DLGAP2: variants seen among roughly 807,000 people sequenced by gnomAD.
DLGAP2 encodes disks large-associated protein 2.
A neutral mutation model predicts 100.3 loss-of-function variants in DLGAP2; 26 were observed. The ratio of observed to expected loss-of-function variants is 0.26; its 90% CI spans 0.19 to 0.36. The LOEUF is 0.36. Among genes scored for constraint, DLGAP2 ranks in the 10% least tolerant of loss-of-function variants. DLGAP2 has a pLI of 1.00. For synonymous variants in DLGAP2, 886 were observed against 630.1 expected (o/e 1.41, Z -6.08); for missense variants, 1,858 against 1,453.2 (o/e 1.28, Z -4.53).
chr8:1,153,419 C>T (rs779563741), intron 2 of DLGAP2, among the ~76,000 whole-genome samples: 1 of 152,126 alleles, frequency 6.6e-6, no homozygotes, highest in Non-Finnish European at 1.5e-5. Context: ...GAACATGGTA[C>T]AGTTCACTCT....
intron 3 of DLGAP2, among the ~76,000 whole-genome samples, chr8:1,326,564 G>A (rs1801026656): frequency 6.6e-6 from 1 of 152,064 alleles, no homozygotes; most frequent in Admixed American, 6.6e-5. Flanking sequence ...CACGCACTCG[G>A]TCTCAGTCCG....
intron 3 of DLGAP2, among the ~76,000 whole-genome samples, chr8:1,459,756 G>T (rs150942090): frequency 7.1e-6 from 1 of 140,366 alleles, no homozygotes; most frequent in Non-Finnish European, 1.5e-5. Flanking sequence ...CACAATCTTG[G>T]CTCACTGCAA....
At chr8:1,449,938 G>T (rs111740779) in intron 3 of DLGAP2, among the ~76,000 whole-genome samples, 328 of 31,554 alleles carry the variant, frequency 0.01, 2 homozygotes, top group East Asian at 0.025. Context: ...TGGCTGAGGC[G>T]GAGCTGTGAG....
chr8:1,575,455 T>TTTA (rs56350882), intron 6 of DLGAP2, among the ~76,000 whole-genome samples: 3,638 of 141,158 alleles, frequency 0.026, 120 homozygotes, highest in African/African-American at 0.068. Context: ...GAGGATATTC[T>TTTA]TTATTATTAT....
chr8:1,505,679 C>T (rs187200010), intron 4 of DLGAP2, among the ~76,000 whole-genome samples: 23 of 152,298 alleles, frequency 1.5e-4, no homozygotes, highest in Admixed American at 1.4e-3. Context: ...AAAACGAATA[C>T]CTTGAAAGAG....
chr8:916,622 G>C (rs1005383828), intron 2 of DLGAP2, among the ~76,000 whole-genome samples: 12 of 152,018 alleles, frequency 7.9e-5, no homozygotes, highest in Non-Finnish European at 1.6e-4. Flanking sequence ...AAACCTGCAC[G>C]TTGTGCACAT....
intron 3 of DLGAP2, among the ~76,000 whole-genome samples, chr8:1,438,908 A>G (rs1797739206): frequency 6.6e-6 from 1 of 152,188 alleles, no homozygotes; most frequent in African/African-American, 2.4e-5. Context: ...TTTTTTTACT[A>G]GAAAAAAGCA....
rs904011853 is a variant in DLGAP2, at chr8:1,440,999, A to G, written c.107-60367A>G. Among the ~76,000 whole-genome samples, 10 of 152,334 alleles carry G rather than the reference A, an allele frequency of 6.6e-5. No individual in the cohort carries two copies. The East Asian group carries it at 9.6e-4, about 15-fold the overall frequency. The stretch of plus-strand genomic sequence containing the variant: ...CCCTCCCAGCACGGGTTTTCCAGCC[A>G]AATGGTAGGGGCATACATAGAAAAA... On this transcript the variant is annotated intron_variant, in intron 3 of 14. Transcript: ENST00000637795.
chr8:1,392,391 C>T (rs1049242638), intron 3 of DLGAP2, among the ~76,000 whole-genome samples: 8 of 152,120 alleles, frequency 5.3e-5, no homozygotes, highest in South Asian at 2.1e-4. Flanking sequence ...CATCAACTCG[C>T]GGCACTCGGG....
chr8:1,641,639 G>C (rs1585023987), intron 8 of DLGAP2, among the ~76,000 whole-genome samples: 1 of 152,126 alleles, frequency 6.6e-6, no homozygotes, highest in South Asian at 2.1e-4. Flanking sequence ...AGGGACATGT[G>C]TATGGGGATG....
At chr8:1,580,694 C>A (rs117259875) in intron 6 of DLGAP2, among the ~76,000 whole-genome samples, 1 of 152,174 alleles carries the variant, frequency 6.6e-6, no homozygotes, top group South Asian at 2.1e-4. Context: ...ACACCACAGT[C>A]GAACTACCAG....
chr8:851,391 T>C (rs1161322842), intron 1 of DLGAP2, among the ~76,000 whole-genome samples: 2 of 152,234 alleles, frequency 1.3e-5, no homozygotes, highest in Admixed American at 6.5e-5. Flanking sequence ...CAGTGTTGTG[T>C]TACCTGTGAG....
intron 3 of DLGAP2, among the ~76,000 whole-genome samples, chr8:1,495,964 A>ATT (rs1160833320): frequency 6.6e-6 from 1 of 152,086 alleles, no homozygotes; most frequent in Non-Finnish European, 1.5e-5. Context: ...TGGCTGATGG[A>ATT]TGAAACAAGA....
chr8:779,169 G>A (rs573189058), intron 1 of DLGAP2, among the ~76,000 whole-genome samples: 31 of 152,326 alleles, frequency 2.0e-4, no homozygotes, highest in Admixed American at 3.9e-4. Context: ...TGCGCTTCCC[G>A]AGTGAGGCAA....
intron 2 of DLGAP2, among the ~76,000 whole-genome samples, chr8:1,115,163 C>G (rs1353172128): frequency 6.6e-6 from 1 of 152,180 alleles, no homozygotes; most frequent in African/African-American, 2.4e-5. Context: ...AATGTGCATT[C>G]TGTTGTTTTG....
At chr8:800,619 T>C (rs769927717) in intron 1 of DLGAP2, among the ~76,000 whole-genome samples, 3 of 152,190 alleles carry the variant, frequency 2.0e-5, no homozygotes, top group Non-Finnish European at 2.9e-5. Context: ...TGTGTACATG[T>C]ATGTTTATAT....
At chr8:1,584,155 C>A (rs1337590778) in intron 6 of DLGAP2, among the ~76,000 whole-genome samples, 1 of 152,188 alleles carries the variant, frequency 6.6e-6, no homozygotes, top group African/African-American at 2.4e-5. Context: ...GCTCCTCACA[C>A]ACTGGATGAA....
chr8:1,354,650 T>A (rs1585292528), intron 3 of DLGAP2, among the ~76,000 whole-genome samples: 2 of 138,130 alleles, frequency 1.4e-5, no homozygotes, highest in African/African-American at 5.4e-5. Context: ...ATGCTGCGGA[T>A]GAAGGTGGAA....
At chr8:1,205,410 G>A (rs933811813) in intron 2 of DLGAP2, among the ~76,000 whole-genome samples, 1 of 151,066 alleles carries the variant, frequency 6.6e-6, no homozygotes, top group Non-Finnish European at 1.5e-5. Flanking sequence ...ATCACATGAC[G>A]TCTCAGCCGG....
Sources: allele counts gnomAD v4.1 joint callset (sites outside exome capture counted in the v4.1 genomes callset), GRCh38; gene constraint gnomAD v4.1.1; transcripts MANE v1.5; gene names NCBI Gene and HGNC (gene_info 2026-07-23, HGNC 2026-07-21).